Variants in RMST observed in about 807,000 individuals in gnomAD.
The protein encoded by RMST is long intergenic non-protein coding RNA 54.
chr12:97,486,109 A>G (rs1235400147), intron 5 of RMST, among the ~76,000 whole-genome samples: 3 of 152,232 alleles, frequency 2.0e-5, no homozygotes, highest in Admixed American at 1.3e-4. Context: ...GTCTTTTACC[A>G]TAGGTAAGAA....
intron 10 of RMST, among the ~76,000 whole-genome samples, chr12:97,524,028 A>C (rs1412570642): frequency 1.5e-5 from 2 of 134,082 alleles, no homozygotes; most frequent in Non-Finnish European, 3.1e-5. Context: ...GTGAGCCGAG[A>C]TCGCGCCACT....
intron 11 of RMST, among the ~76,000 whole-genome samples, chr12:97,559,735 C>T (rs1466295475): frequency 6.6e-6 from 1 of 152,202 alleles, no homozygotes; most frequent in Non-Finnish European, 1.5e-5. Context: ...GTTTCCTCTT[C>T]TGTTTTAATT....
intron 5 of RMST, among the ~76,000 whole-genome samples, chr12:97,469,819 C>G (rs1873683100): frequency 6.6e-6 from 1 of 152,042 alleles, no homozygotes. Context: ...AATACAGGTA[C>G]CTCACAACTA....
intron 5 of RMST, among the ~76,000 whole-genome samples, chr12:97,489,151 A>C (rs1472823250): frequency 6.6e-6 from 1 of 152,206 alleles, no homozygotes; most frequent in Non-Finnish European, 1.5e-5. Flanking sequence ...CTGTATAGGA[A>C]AAGCTACTTT....
Position 97,503,323 on chromosome 12 carries a change from C to G in RMST, n.1340+7267C>G, listed in dbSNP as rs1397689204. On this transcript the variant is annotated intron_variant and non_coding_transcript_variant, in intron 10 of 13. Coordinates refer to ENST00000640149, the Ensembl canonical transcript of RMST. ...GTTTAAACAAAAGCTTATACTGACT[C>G]AATTTTATCGACGTGAACTTTGACC... Among the ~76,000 whole-genome samples the G allele has an allele frequency of 2.0e-5, 3 of 152,204 alleles. No homozygotes were observed. The South Asian group carries it at 6.2e-4, about 32-fold the overall frequency.
intron 5 of RMST, among the ~76,000 whole-genome samples, chr12:97,476,491 A>T (rs143649622): frequency 6.6e-6 from 1 of 152,174 alleles, no homozygotes; most frequent in Non-Finnish European, 1.5e-5. Context: ...TCACCCATGC[A>T]TGATGTTCCA....
intron 11 of RMST, among the ~76,000 whole-genome samples, chr12:97,531,993 C>G (rs1881664081): frequency 6.6e-6 from 1 of 151,812 alleles, no homozygotes; most frequent in African/African-American, 2.4e-5. Context: ...TTTATATTCT[C>G]AAATAAAAAT....
chr12:97,475,023 C>T (rs916405612), intron 5 of RMST, among the ~76,000 whole-genome samples: 1 of 152,056 alleles, frequency 6.6e-6, no homozygotes, highest in Admixed American at 6.6e-5. Flanking sequence ...ATGTTGCTTC[C>T]GAAAACAAAT....
intron 10 of RMST, among the ~76,000 whole-genome samples, chr12:97,524,595 A>G (rs1156635955): frequency 6.6e-6 from 1 of 152,172 alleles, no homozygotes; most frequent in African/African-American, 2.4e-5. Flanking sequence ...AATCTGTTTA[A>G]CTATCATCTA....
chr12:97,528,745 A>C (rs1489727107), intron 10 of RMST, among the ~76,000 whole-genome samples: 1 of 152,114 alleles, frequency 6.6e-6, no homozygotes. Context: ...AAAGTAAGTG[A>C]GTGGGCTGAG....
intron 11 of RMST, among the ~76,000 whole-genome samples, chr12:97,554,244 G>A (rs950518887): frequency 2.0e-5 from 3 of 151,920 alleles, no homozygotes; most frequent in African/African-American, 4.8e-5. Flanking sequence ...ACGAGCTACC[G>A]CGCCCAGCCA....
At chr12:97,492,524 A>G (rs1876955888) in exon 6 of RMST, 1 of 154,598 alleles carries the variant, frequency 6.5e-6, no homozygotes, top group Admixed American at 6.3e-5. Context: ...CACTCAGCAC[A>G]GAATGGCTGC....
At chr12:97,486,925 A>G (rs1876180046) in intron 5 of RMST, among the ~76,000 whole-genome samples, 2 of 152,232 alleles carry the variant, frequency 1.3e-5, no homozygotes, top group Admixed American at 1.3e-4. Flanking sequence ...GTGTGAAATT[A>G]TAAAACTTAT....
intron 11 of RMST, among the ~76,000 whole-genome samples, chr12:97,547,608 G>T (rs971346646): frequency 6.6e-6 from 1 of 151,948 alleles, no homozygotes; most frequent in Non-Finnish European, 1.5e-5. Context: ...GGTGATATCT[G>T]ATTATAGTTT....
chr12:97,489,123 A>G (rs1876468072), intron 5 of RMST, among the ~76,000 whole-genome samples: 1 of 152,192 alleles, frequency 6.6e-6, no homozygotes, highest in South Asian at 2.1e-4. Flanking sequence ...CAATACTTTT[A>G]TGTTATTTAA....
exon 9 of RMST, chr12:97,494,767 C>G (rs916779376): frequency 6.6e-6 from 1 of 151,938 alleles, no homozygotes; most frequent in Non-Finnish European, 1.5e-5. Flanking sequence ...ACTCTAACTC[C>G]GATTATTACC....
At chr12:97,529,036 A>G (rs1881393419) in intron 10 of RMST, among the ~76,000 whole-genome samples, 1 of 152,090 alleles carries the variant, frequency 6.6e-6, no homozygotes, top group South Asian at 2.1e-4. Context: ...CACAAAGGAT[A>G]AAGAGTATCT....
At chr12:97,497,034 A>G (rs1756122909) in intron 10 of RMST, among the ~76,000 whole-genome samples, 1 of 152,136 alleles carries the variant, frequency 6.6e-6, no homozygotes, top group African/African-American at 2.4e-5. Context: ...ATTGAAATAA[A>G]TTTTACAAAG....
intron 10 of RMST, among the ~76,000 whole-genome samples, chr12:97,499,755 G>C (rs1593187743): frequency 6.6e-6 from 1 of 150,880 alleles, no homozygotes; most frequent in African/African-American, 2.4e-5. Context: ...CACCTCCCAG[G>C]TTCAAGCAAT....
Sources: gnomAD v4.1 joint callset for allele counts (sites outside exome capture counted in the v4.1 genomes callset) on GRCh38, gnomAD v4.1.1 for gene constraint, MANE v1.5 for transcripts, NCBI Gene and HGNC (gene_info 2026-07-23, HGNC 2026-07-21) for gene names.